Variants in PACRGL observed in about 807,000 individuals in gnomAD.
PACRGL encodes the protein PACRG-like protein.
PACRGL carries 38 observed loss-of-function variants against 34.5 expected under a neutral mutation model. That is an observed-to-expected ratio of 1.10 (90% CI 0.85 to 1.44). The LOEUF is 1.44. Among genes scored for constraint, PACRGL ranks in the 40% most tolerant of loss-of-function variants. The pLI, the probability that PACRGL is intolerant of heterozygous loss-of-function variation, is 0.00. For missense variants in PACRGL, 305 were observed against 281.4 expected, an observed-to-expected ratio of 1.08 and a Z score of -0.60; for synonymous variants, 128 against 100.1, an observed-to-expected ratio of 1.28 and a Z score of -1.66.
intron 8 of PACRGL, among the ~76,000 whole-genome samples, chr4:20,744,869 T>G (rs1752074407): frequency 6.6e-6 from 1 of 152,204 alleles, no homozygotes; most frequent in African/African-American, 2.4e-5. Flanking sequence ...AATTTCCATT[T>G]GGTGCTCCAT....
downstream of PACRGL, chr4:20,732,691 G>A: frequency 1.9e-6 from 3 of 1,607,996 alleles, no homozygotes; most frequent in Non-Finnish European, 2.6e-6. Flanking sequence ...CTGAAAAAAT[G>A]TTTCAACGTG....
At chr4:20,754,356 T>A (rs1308598988), downstream of PACRGL, among the ~76,000 whole-genome samples, 1 of 152,168 alleles carries the variant, frequency 6.6e-6, no homozygotes, top group African/African-American at 2.4e-5. Flanking sequence ...GGTGAGATGT[T>A]GTGATTTATG....
chr4:20,721,178 G>T (rs1578288832), intron 7 of PACRGL, among the ~76,000 whole-genome samples: 2 of 152,086 alleles, frequency 1.3e-5, no homozygotes, highest in South Asian at 4.2e-4. Context: ...AGCTCCATCA[G>T]GTCATTTAAG....
At chr4:20,761,513 A>C in the PACRGL span, among the ~76,000 whole-genome samples, 1 of 152,170 alleles carries the variant, frequency 6.6e-6, no homozygotes, top group Non-Finnish European at 1.5e-5. Context: ...TTGGCTATTT[A>C]ATGCTAAGCC....
At chr4:20,735,881 G>A (rs1051880303), downstream of PACRGL, among the ~76,000 whole-genome samples, 3 of 152,138 alleles carry the variant, frequency 2.0e-5, no homozygotes, top group East Asian at 3.9e-4. Context: ...ACAATGTGCT[G>A]TATTCAGTTT....
intron 7 of PACRGL, among the ~76,000 whole-genome samples, chr4:20,713,915 C>T (rs1446495952): frequency 6.6e-6 from 1 of 152,076 alleles, no homozygotes; most frequent in African/African-American, 2.4e-5. Flanking sequence ...GCTTTACTTC[C>T]AACTATGTGG....
chr4:20,699,367 T>G (rs1236878378), upstream of PACRGL, among the ~76,000 whole-genome samples: 1 of 152,044 alleles, frequency 6.6e-6, no homozygotes, highest in Non-Finnish European at 1.5e-5. Context: ...ATTTTAAAAC[T>G]TAGATTTGTA....
At chr4:20,714,132 G>A (rs1005142486) in intron 7 of PACRGL, among the ~76,000 whole-genome samples, 5 of 152,006 alleles carry the variant, frequency 3.3e-5, no homozygotes, top group African/African-American at 9.7e-5. Flanking sequence ...TGTGGGAGTC[G>A]AAATCTCTTT....
chr4:20,730,041 A>AGTT lies in PACRGL; in HGVS notation c.*2701_*2703dup. 1 of 1,588,688 alleles carries AGTT rather than the reference A, an allele frequency of 6.3e-7. No homozygotes were observed. Among genetic ancestry groups the AGTT allele is most frequent in the African/African-American group, 1.3e-5 (1 of 74,098 alleles). ...GCTCCAACTTTAAGGGTGGTAGAAT[A>AGTT]GTTCACATTTGTCTGTTGGATTCAG... On this transcript the variant is annotated 3_prime_UTR_variant, in exon 9 of 9. Transcript: ENST00000503585.
intron 7 of PACRGL, among the ~76,000 whole-genome samples, chr4:20,720,625 CT>C (rs1412702900): frequency 6.6e-6 from 1 of 152,126 alleles, no homozygotes; most frequent in Non-Finnish European, 1.5e-5. Flanking sequence ...GTTGAAAATT[CT>C]TTTCTTTAAG....
chr4:20,741,336 G>A (rs1751045658), intron 8 of PACRGL, among the ~76,000 whole-genome samples: 4 of 152,140 alleles, frequency 2.6e-5, no homozygotes, highest in Admixed American at 2.0e-4. Context: ...GCACTCCTCA[G>A]CAAATGTAAA....
chr4:20,748,306 C>T (rs768273514), intron 8 of PACRGL, among the ~76,000 whole-genome samples: 16 of 152,130 alleles, frequency 1.1e-4, no homozygotes, highest in Non-Finnish European at 2.1e-4. Flanking sequence ...TCTGTCCAGC[C>T]TCTGCCCCAC....
intron 7 of PACRGL, chr4:20,716,321 T>TA (rs1739956572): frequency 1.7e-6 from 1 of 583,266 alleles, no homozygotes; most frequent in South Asian, 2.2e-5. Context: ...CTAGTGAAGT[T>TA]ATTCATGCAG....
chr4:20,708,997 G>T (rs1021906896), intron 4 of PACRGL, among the ~76,000 whole-genome samples: 3 of 151,978 alleles, frequency 2.0e-5, no homozygotes, highest in East Asian at 3.9e-4. Context: ...AAATTAGCCG[G>T]GTGTGGTGGT....
the PACRGL span, chr4:20,758,820 C>G: frequency 6.2e-7 from 1 of 1,610,290 alleles, no homozygotes; most frequent in Non-Finnish European, 8.5e-7. Context: ...TTTGTACTTA[C>G]CTCCCTGTGG....
At chr4:20,713,597 C>T in intron 7 of PACRGL, 58 bp downstream of exon 7, 2 of 1,371,214 alleles carry the variant, frequency 1.5e-6, no homozygotes, top group South Asian at 1.2e-5. Flanking sequence ...CCATCCATAT[C>T]TCTTCATGAT....
intron 7 of PACRGL, among the ~76,000 whole-genome samples, chr4:20,720,756 T>C (rs7668797): frequency 0.51 from 77,222 of 151,902 alleles, 20,258 homozygotes; most frequent in African/African-American, 0.62. Flanking sequence ...CTGCCCTTAA[T>C]ATTTTTTCCT....
At position 20,731,528 on chromosome 4, in the gene PACRGL, TTCAG is replaced by T. The variant is rs1748203187; in HGVS notation, c.*4191_*4194del. ...TTTGTGACTGAAGACCATTAGTGAG[TTCAG>T]TCAAAGAGCCATTTCTTGTCCACAT... On this transcript the variant is annotated 3_prime_UTR_variant, in exon 9 of 9. Coordinates refer to ENST00000503585, the MANE Select transcript of PACRGL (RefSeq NM_001258345.3). 4 of 985,374 alleles carry T rather than the reference TTCAG, an allele frequency of 4.1e-6. No individual in the cohort carries two copies. Among genetic ancestry groups the T allele is most frequent in the African/African-American group, 1.7e-5 (1 of 57,338 alleles). 61.0% of individuals were successfully genotyped at this position (985,374 alleles called of 1,614,324 possible).
intron 8 of PACRGL, among the ~76,000 whole-genome samples, chr4:20,739,005 G>C (rs1330668160): frequency 2.0e-5 from 3 of 152,268 alleles, no homozygotes; most frequent in African/African-American, 7.2e-5. Context: ...ACAGAAGTCC[G>C]AGATCGAACT....
Sources: allele counts gnomAD v4.1 joint callset (sites outside exome capture counted in the v4.1 genomes callset), GRCh38; gene constraint gnomAD v4.1.1; transcripts MANE v1.5; gene names NCBI Gene and HGNC (gene_info 2026-07-23, HGNC 2026-07-21).